NEMP2: variants seen among roughly 807,000 people sequenced by gnomAD.
NEMP2 encodes UPF0571 transmembrane protein.
NEMP2 carries 53 observed loss-of-function variants against 54.2 expected under a neutral mutation model. That is an observed-to-expected ratio of 0.98 (90% CI 0.78 to 1.23). The LOEUF is 1.23. Ranked by LOEUF, NEMP2 falls within the 50% of genes most tolerant of loss-of-function variation. NEMP2 has a pLI of 0.00. For missense variants in NEMP2, 455 were observed against 511.3 expected, an observed-to-expected ratio of 0.89 and a Z score of 1.06; for synonymous variants, 197 against 190.3, an observed-to-expected ratio of 1.04 and a Z score of -0.29.
the NEMP2 span, among the ~76,000 whole-genome samples, chr2:190,581,291 C>T: frequency 6.6e-6 from 1 of 152,102 alleles, no homozygotes; most frequent in Non-Finnish European, 1.5e-5. Context: ...AAAAGCTGAC[C>T]AGAAACTATT....
At chr2:190,471,221 T>A in the NEMP2 span, among the ~76,000 whole-genome samples, 2 of 152,138 alleles carry the variant, frequency 1.3e-5, no homozygotes, top group East Asian at 3.9e-4. This position sits in a 1 kb window ranked among gnomAD's most constrained non-coding sequence, Gnocchi z 4.7. Context: ...TTCATCTCAC[T>A]GGGGATTGTC....
rs1264559263 is a variant in NEMP2, at chr2:190,522,135, T to A, written c.214-2952A>T. On this transcript the variant is annotated intron_variant, in intron 2 of 8. Coordinates refer to ENST00000409150, the MANE Select transcript of NEMP2 (RefSeq NM_001142645.2). This position sits in a 1 kb window ranked among gnomAD's most constrained non-coding sequence, Gnocchi z 5.0. Reference sequence around the variant, plus strand: ...AATACCTTTGTATAGAGTTTTAACTTTTAAGCCATATTAATGTTGTAGATA... The same window carrying A: ...AATACCTTTGTATAGAGTTTTAACTATTAAGCCATATTAATGTTGTAGATA... 2.0e-5 allele frequency among the ~76,000 whole-genome samples: 3 copies of A among 152,174 alleles called. No individual in the cohort carries two copies. Among genetic ancestry groups the A allele is most frequent in the African/African-American group, 7.2e-5 (3 of 41,434 alleles).
the NEMP2 span, among the ~76,000 whole-genome samples, chr2:190,456,237 G>A: frequency 6.6e-6 from 1 of 152,038 alleles, no homozygotes; most frequent in Non-Finnish European, 1.5e-5. The surrounding 1 kb of genome is among the most constrained non-coding windows in gnomAD (Gnocchi z 5.4). Flanking sequence ...CACCATGCCT[G>A]GCCTGCTCTA....
rs977928909 is a variant in NEMP2 at position 190,533,618 on chromosome 2, T to A, written c.97+941A>T. ...TCATCAACATCCAGTCTCTCATTCA[T>A]CCTTAGATAAAAAACCGCGGTATAA... On this transcript the variant is annotated intron_variant, in intron 1 of 8. Coordinates refer to ENST00000409150, the MANE Select transcript of NEMP2 (RefSeq NM_001142645.2). This position sits in a 1 kb window ranked among gnomAD's most constrained non-coding sequence, Gnocchi z 4.3. Among the ~76,000 whole-genome samples, 1 of 152,066 alleles carries A rather than the reference T, an allele frequency of 6.6e-6. No individual in the cohort carries two copies. The highest frequency in any genetic ancestry group is 2.4e-5 in the African/African-American group (1 of 41,412).
chr2:190,436,856 T>C, the NEMP2 span: 1 of 1,614,270 alleles, frequency 6.2e-7, no homozygotes, highest in Middle Eastern at 1.6e-4. The surrounding 1 kb of genome is among the most constrained non-coding windows in gnomAD (Gnocchi z 5.3). Context: ...GACCAAGTCA[T>C]GCTTGTTTAT....
At chr2:190,436,615 C>G in the NEMP2 span, 1 of 1,614,158 alleles carries the variant, frequency 6.2e-7, no homozygotes, top group Non-Finnish European at 8.5e-7. This position sits in a 1 kb window ranked among gnomAD's most constrained non-coding sequence, Gnocchi z 5.3. Flanking sequence ...ACCAAAAATG[C>G]GTGAGAAAAG....
chr2:190,494,064 A>C, the NEMP2 span, among the ~76,000 whole-genome samples: 2 of 152,144 alleles, frequency 1.3e-5, no homozygotes, highest in African/African-American at 4.8e-5. This position sits in a 1 kb window ranked among gnomAD's most constrained non-coding sequence, Gnocchi z 5.7. Flanking sequence ...AATGAAACAA[A>C]AAGCTGGTTG....
At chr2:190,515,906 G>GGAAA (rs1167647864) in intron 6 of NEMP2, among the ~76,000 whole-genome samples, 2 of 152,128 alleles carry the variant, frequency 1.3e-5, no homozygotes, top group Non-Finnish European at 2.9e-5. Context: ...AATACTTACG[G>GGAAA]GAAAGAAAGA....
chr2:190,571,233 C>A, the NEMP2 span, among the ~76,000 whole-genome samples: 4 of 152,174 alleles, frequency 2.6e-5, no homozygotes, highest in Non-Finnish European at 4.4e-5. Flanking sequence ...ACTAATACAT[C>A]TTTCTCTTGA....
chr2:190,547,333 A>G, the NEMP2 span, among the ~76,000 whole-genome samples: 1 of 152,256 alleles, frequency 6.6e-6, no homozygotes, highest in Non-Finnish European at 1.5e-5. The surrounding 1 kb of genome is among the most constrained non-coding windows in gnomAD (Gnocchi z 6.2). Context: ...TGGTGACTTA[A>G]TAAATGAGTT....
the NEMP2 span, among the ~76,000 whole-genome samples, chr2:190,449,958 T>C: frequency 1.3e-5 from 2 of 152,038 alleles, no homozygotes; most frequent in Admixed American, 1.3e-4. Flanking sequence ...GGCACATGTA[T>C]ACATATGTAA....
chr2:190,517,378 A>C, intron 5 of NEMP2, 142 bp downstream of exon 5: 1 of 599,924 alleles, frequency 1.7e-6, no homozygotes, highest in Non-Finnish European at 2.8e-6. Flanking sequence ...CCAGAAAAAG[A>C]TACATTTTAG....
chr2:190,640,100 T>A, the NEMP2 span, among the ~76,000 whole-genome samples: 1 of 152,218 alleles, frequency 6.6e-6, no homozygotes, highest in East Asian at 1.9e-4. Flanking sequence ...CTGTTCTATT[T>A]TTACCCATAA....
intron 1 of NEMP2, among the ~76,000 whole-genome samples, chr2:190,526,973 G>C (rs1016586284): frequency 1.3e-5 from 2 of 152,170 alleles, no homozygotes; most frequent in Non-Finnish European, 2.9e-5. Flanking sequence ...AAACTAGAAA[G>C]TAATGATGTT....
chr2:190,551,318 A>G, the NEMP2 span, among the ~76,000 whole-genome samples: 3 of 151,050 alleles, frequency 2.0e-5, no homozygotes, highest in African/African-American at 4.9e-5. Flanking sequence ...TCCATCTTCA[A>G]TATTTGTCAA....
At chr2:190,511,748 G>T (rs1049730444) in intron 7 of NEMP2, among the ~76,000 whole-genome samples, 3 of 150,568 alleles carry the variant, frequency 2.0e-5, no homozygotes, top group African/African-American at 7.3e-5. Flanking sequence ...TAGAGATGGG[G>T]TTTCACCATG....
At chr2:190,454,995 TGTATA>T in the NEMP2 span, among the ~76,000 whole-genome samples, 5 of 70,010 alleles carry the variant, frequency 7.1e-5, no homozygotes, top group East Asian at 7.5e-4. This position sits in a 1 kb window ranked among gnomAD's most constrained non-coding sequence, Gnocchi z 4.6. Context: ...TATATGTATA[TGTATA>T]ATGTATATGT....
chr2:190,590,354 C>A, the NEMP2 span, among the ~76,000 whole-genome samples: 2 of 152,156 alleles, frequency 1.3e-5, no homozygotes, highest in Non-Finnish European at 2.9e-5. The surrounding 1 kb of genome is among the most constrained non-coding windows in gnomAD (Gnocchi z 5.1). Flanking sequence ...ATGTTTTGGG[C>A]TGTCTAAATG....
rs970261996 is a variant in NEMP2 at position 190,514,924 on chromosome 2, G to A, written c.728-246C>T. Among the ~76,000 whole-genome samples, 2 of 152,136 alleles carry A rather than the reference G, an allele frequency of 1.3e-5. No individual in the cohort carries two copies. Among genetic ancestry groups the A allele is most frequent in the African/African-American group, 4.8e-5 (2 of 41,436 alleles). ...TATGATGATACATAAGTATGTCTGT[G>A]TTTTAGTCCAGCACCCTGGCTGGAC... On this transcript the variant is annotated intron_variant, in intron 6 of 8. Transcript: ENST00000409150. The surrounding 1 kb of genome is among the most constrained non-coding windows in gnomAD (Gnocchi z 5.7).
Sources: allele counts gnomAD v4.1 joint callset (sites outside exome capture counted in the v4.1 genomes callset), GRCh38; gene constraint gnomAD v4.1.1; non-coding constraint Gnocchi (gnomAD v3.1); transcripts MANE v1.5; gene names NCBI Gene and HGNC (gene_info 2026-07-23, HGNC 2026-07-21).